The following HTR2C variants were observed in gnomAD, a reference collection of about 807,000 sequenced individuals.
HTR2C encodes 5-hydroxytryptamine (serotonin) receptor 2C, G protein-coupled.
In HTR2C, 5 loss-of-function variants were observed where a neutral mutation model predicts 21.0. The observed-to-expected ratio is 0.24, with a 90% CI of 0.12 to 0.50. HTR2C has a LOEUF of 0.50. Among genes scored for constraint, HTR2C ranks in the 20% least tolerant of loss-of-function variants. The probability of loss-of-function intolerance (pLI) is 0.98; values close to 1 mark genes in which losing one functional copy is unlikely to be tolerated. For synonymous variants in HTR2C, 150 were observed against 145.3 expected (o/e 1.03, Z -0.23); for missense variants, 271 against 371.2 (o/e 0.73, Z 2.22).
At chrX:114,689,665 A>G (rs1417240467) in intron 2 of HTR2C, among the ~76,000 whole-genome samples, 1 of 111,287 alleles carries the variant, frequency 9.0e-6, no homozygotes. Flanking sequence ...GACTTCAAAG[A>G]CAGCATCACT....
chrX:114,787,514 G>A (rs1395935428), intron 4 of HTR2C, among the ~76,000 whole-genome samples: 2 of 111,797 alleles, frequency 1.8e-5, no homozygotes, highest in African/African-American at 6.5e-5. Flanking sequence ...ACCTCATCTT[G>A]AATACAGGAG....
At chrX:114,642,728 A>G (rs1556406700) in intron 2 of HTR2C, among the ~76,000 whole-genome samples, 2 of 111,513 alleles carry the variant, frequency 1.8e-5, no homozygotes, top group African/African-American at 6.5e-5. Context: ...ACATTTTTCT[A>G]GCTTCTGAGT....
intron 4 of HTR2C, among the ~76,000 whole-genome samples, chrX:114,764,712 G>A (rs2069919645): frequency 9.0e-6 from 1 of 111,464 alleles, no homozygotes; most frequent in Non-Finnish European, 1.9e-5. Flanking sequence ...TGCCAACAAT[G>A]GGACGCACCT....
intron 4 of HTR2C, among the ~76,000 whole-genome samples, chrX:114,743,595 G>A (rs1453941922): frequency 9.0e-6 from 1 of 111,646 alleles, no homozygotes; most frequent in Non-Finnish European, 1.9e-5. Context: ...GAGGAAAAAT[G>A]AACAATGCCT....
At chrX:114,614,905 A>C (rs1416467030) in intron 2 of HTR2C, among the ~76,000 whole-genome samples, 2 of 112,041 alleles carry the variant, frequency 1.8e-5, no homozygotes, top group Admixed American at 1.9e-4. Flanking sequence ...TTCTCAATTA[A>C]ATTTCTGATT....
intron 4 of HTR2C, among the ~76,000 whole-genome samples, chrX:114,733,508 GA>G (rs1441848302): frequency 1.8e-5 from 2 of 108,679 alleles, no homozygotes; most frequent in Non-Finnish European, 3.8e-5. Flanking sequence ...ATAAGGTACT[GA>G]AAAGTATGCA....
intron 5 of HTR2C, among the ~76,000 whole-genome samples, chrX:114,865,945 A>T (rs1420372561): frequency 9.0e-6 from 1 of 110,776 alleles, no homozygotes; most frequent in Non-Finnish European, 1.9e-5. Context: ...CCTCCTGAGT[A>T]GCTAGGATTA....
intron 2 of HTR2C, among the ~76,000 whole-genome samples, chrX:114,636,188 T>C (rs782620219): frequency 3.2e-3 from 354 of 109,222 alleles, no homozygotes; most frequent in African/African-American, 0.011. Flanking sequence ...GGAAAGGTCA[T>C]GCTCCCTGGA....
chrX:114,824,689 G>C (rs2070663638), intron 4 of HTR2C, among the ~76,000 whole-genome samples: 4 of 112,227 alleles, frequency 3.6e-5, no homozygotes, highest in Middle Eastern at 4.6e-3. Context: ...TCTGGGATGA[G>C]TTTCTAGTCA....
At chrX:114,813,087 A>G (rs2070550782) in intron 4 of HTR2C, among the ~76,000 whole-genome samples, 1 of 111,638 alleles carries the variant, frequency 9.0e-6, no homozygotes, top group Non-Finnish European at 1.9e-5. Context: ...ATGCCACCCC[A>G]CTTATAAATA....
intron 5 of HTR2C, among the ~76,000 whole-genome samples, chrX:114,885,443 T>C: frequency 1.8e-5 from 2 of 111,402 alleles, no homozygotes; most frequent in South Asian, 7.4e-4. Flanking sequence ...TCAGAAGATG[T>C]GGCCATCATT....
chrX:114,600,871 C>G (rs781889541), intron 1 of HTR2C, among the ~76,000 whole-genome samples: 2 of 111,660 alleles, frequency 1.8e-5, no homozygotes, highest in South Asian at 3.7e-4. Flanking sequence ...TTTATGTATT[C>G]TTTAAAATGT....
At chrX:114,864,700 C>A (rs1458618520) in intron 5 of HTR2C, among the ~76,000 whole-genome samples, 3 of 110,667 alleles carry the variant, frequency 2.7e-5, no homozygotes, top group African/African-American at 9.8e-5. Flanking sequence ...TAATTACTGT[C>A]CCTTTGTTTC....
intron 2 of HTR2C, among the ~76,000 whole-genome samples, chrX:114,641,457 A>G (rs1427567533): frequency 1.8e-5 from 2 of 111,481 alleles, no homozygotes; most frequent in Non-Finnish European, 1.9e-5. Flanking sequence ...AATACTGAAC[A>G]TGGATTTCTG....
intron 2 of HTR2C, among the ~76,000 whole-genome samples, chrX:114,637,516 G>A (rs1929885687): frequency 8.9e-6 from 1 of 111,948 alleles, no homozygotes; most frequent in African/African-American, 3.2e-5. Flanking sequence ...AAATTTGAAA[G>A]TAGATTATTT....
At chrX:114,726,826 T>G (rs1933511443) in intron 2 of HTR2C, 32 bp from the exon 3 acceptor site, 1 of 499,366 alleles carries the variant, frequency 2.0e-6, no homozygotes, top group South Asian at 3.3e-5. Flanking sequence ...GATGTTTAAC[T>G]AATTTTCTCT....
chrX:114,765,226 A>G (rs1556434460), intron 4 of HTR2C, among the ~76,000 whole-genome samples: 1 of 109,853 alleles, frequency 9.1e-6, no homozygotes, highest in African/African-American at 3.3e-5. Flanking sequence ...GCCAATTCCT[A>G]GAGAGCTAAG....
At chrX:114,726,786 T>C (rs1933509513) in intron 2 of HTR2C, 72 bp from the exon 3 acceptor site, 1 of 421,622 alleles carries the variant, frequency 2.4e-6, no homozygotes, top group Admixed American at 5.6e-5. Context: ...CATTTAAGTT[T>C]ATTTAATTGG....
At chrX:114,672,051 G>A (rs1931397767) in intron 2 of HTR2C, among the ~76,000 whole-genome samples, 1 of 111,318 alleles carries the variant, frequency 9.0e-6, no homozygotes, top group African/African-American at 3.3e-5. Context: ...ATCAGAAACC[G>A]TTGGGCTTCT....
Sources: gnomAD v4.1 joint callset for allele counts (sites outside exome capture counted in the v4.1 genomes callset) on GRCh38, gnomAD v4.1.1 for gene constraint, MANE v1.5 for transcripts, NCBI Gene and HGNC (gene_info 2026-07-23, HGNC 2026-07-21) for gene names.